The following CCDC33 variants were observed in gnomAD, a reference collection of about 807,000 sequenced individuals.
The protein encoded by CCDC33 is coiled-coil domain containing 33.
Under a neutral mutation model 91.9 loss-of-function variants are expected in CCDC33, and 94 were observed. The ratio of observed to expected loss-of-function variants is 1.02; its 90% CI spans 0.87 to 1.21. The LOEUF (loss-of-function observed/expected upper bound fraction) is 1.21. CCDC33 is among the 50% of genes most tolerant of loss of function. The probability of loss-of-function intolerance (pLI) is 0.00; values close to 1 mark genes in which losing one functional copy is unlikely to be tolerated. For missense variants in CCDC33, 940 were observed against 935.5 expected (o/e 1.00, Z -0.06); for synonymous variants, 396 against 374.5 (o/e 1.06, Z -0.66).
chr15:74,249,330 C>CA (rs925422911), intron 2 of CCDC33, among the ~76,000 whole-genome samples: 59 of 151,134 alleles, frequency 3.9e-4, no homozygotes, highest in Admixed American at 3.7e-3. Context: ...ACTAAAAATA[C>CA]AAAAAAAATT....
chr15:74,261,641 C>T (rs572681719), intron 2 of CCDC33, among the ~76,000 whole-genome samples: 1 of 152,302 alleles, frequency 6.6e-6, no homozygotes, highest in South Asian at 2.1e-4. Flanking sequence ...TGGCCCTGGC[C>T]TAGTAACCTC....
Position 74,261,758 on chromosome 15 carries a change from C to G in CCDC33, c.186-682C>G. Among the ~76,000 whole-genome samples the G allele has an allele frequency of 1.3e-5, 2 of 152,196 alleles. 1 individual carries two copies. On this transcript the variant is annotated intron_variant, in intron 2 of 18. Coordinates refer to ENST00000398814, the MANE Select transcript of CCDC33 (RefSeq NM_025055.5). ...CAGAGGGCCCAAGCTTACCTCTCAC[C>G]TTATACAGCCTGGTCCTGAACAATC...
At chr15:74,318,775 G>A (rs1423622649) in intron 11 of CCDC33, 1 of 654,516 alleles carries the variant, frequency 1.5e-6, no homozygotes, top group South Asian at 1.8e-5. Flanking sequence ...CTCTTAAGTG[G>A]GAGGCAGGGT....
chr15:74,308,929 C>CT (rs944877976), intron 11 of CCDC33, among the ~76,000 whole-genome samples: 2 of 152,078 alleles, frequency 1.3e-5, no homozygotes, highest in African/African-American at 4.8e-5. Context: ...AGGGAGGGTC[C>CT]TGTGGAGGCC....
At chr15:74,320,134 G>T (rs1429721236) in intron 11 of CCDC33, among the ~76,000 whole-genome samples, 1 of 152,080 alleles carries the variant, frequency 6.6e-6, no homozygotes, top group Non-Finnish European at 1.5e-5. Flanking sequence ...GGGTGAGCAG[G>T]GCCCTGGTTC....
At chr15:74,290,280 C>T (rs532932941) in intron 10 of CCDC33, among the ~76,000 whole-genome samples, 10 of 151,388 alleles carry the variant, frequency 6.6e-5, no homozygotes, top group Non-Finnish European at 1.0e-4. Context: ...TGGGTTCAAA[C>T]GATTCTCCTG....
At position 74,208,828 on chromosome 15, in the gene CCDC33, C is replaced by G. The variant is rs147740734; in HGVS notation, n.90-560C>G. The G allele has an allele frequency of 5.4e-3, 5,389 of 989,096 alleles. 27 individuals are homozygous for G. Among genetic ancestry groups the G allele is most frequent in the Non-Finnish European group, 6.1e-3 (5,068 of 832,380 alleles). The allele number at this position is 989,096 out of a possible 1,614,324, so 61.3% of individuals were successfully genotyped here. A position where few individuals can be genotyped will look rare whatever the true frequency, so the allele number is the denominator to read the frequency against. ...CAATCAAGCGCTCTCCTGACCTCTC[C>G]CTTCCTTGTCTCTTTCCTTTCCTTT... On this transcript the variant is annotated intron_variant and non_coding_transcript_variant, in intron 1 of 3. Transcript: ENST00000558645.
rs149922219 is a variant in CCDC33, at chr15:74,261,560, C to T, written c.186-880C>T. Among the ~76,000 whole-genome samples the T allele has an allele frequency of 5.9e-3, 904 of 152,282 alleles. 8 individuals are homozygous for T. The highest frequency in any genetic ancestry group is 0.021 in the African/African-American group (875 of 41,550). On this transcript the variant is annotated intron_variant, in intron 2 of 18. Transcript: ENST00000398814. ...CTCCGCAAGGTGTGTGGTGTGGCTC[C>T]CCCTGCTACAGGATCTCTGGGATGA...
intron 13 of CCDC33, 107 bp from the exon 14 acceptor site, chr15:74,330,874 G>T: frequency 6.6e-7 from 1 of 1,512,330 alleles, no homozygotes; most frequent in Admixed American, 1.9e-5. Context: ...AAGAAAGGGG[G>T]ACCAGCCTGG....
At chr15:74,273,980 C>T (rs1255208317) in intron 7 of CCDC33, among the ~76,000 whole-genome samples, 9 of 150,794 alleles carry the variant, frequency 6.0e-5, no homozygotes, top group East Asian at 2.0e-4. Flanking sequence ...TACTGGCACC[C>T]GCCACCATGC....
chr15:74,273,115 C>T (rs2076364970), intron 7 of CCDC33, among the ~76,000 whole-genome samples: 1 of 152,250 alleles, frequency 6.6e-6, no homozygotes, highest in Admixed American at 6.5e-5. Context: ...AGTTGAACAT[C>T]AACACAAGAT....
intron 1 of CCDC33, among the ~76,000 whole-genome samples, chr15:74,205,970 G>A (rs1441458168): frequency 6.6e-6 from 1 of 152,352 alleles, no homozygotes; most frequent in East Asian, 1.9e-4. Context: ...CATGGCAGTG[G>A]AGAACGCCTG....
In CCDC33 at chr15:74,256,392, C is replaced by T. The variant is rs60828442; in HGVS notation, c.186-6048C>T. Among the ~76,000 whole-genome samples, 77 of 150,410 alleles carry T rather than the reference C, an allele frequency of 5.1e-4. No individual in the cohort carries two copies. In the East Asian group the frequency reaches 0.015, roughly 28 times the overall value. ...TCGACTTTATGTCTGGCCCACGTTC[C>T]TCCTGCCCTAAGGCTGCGTACGGGA... is the stretch of plus-strand genomic sequence containing the variant. On this transcript the variant is annotated intron_variant, in intron 2 of 18. Coordinates refer to ENST00000398814, the MANE Select transcript of CCDC33 (RefSeq NM_025055.5).
intron 15 of CCDC33, 90 bp from the exon 16 acceptor site, chr15:74,332,589 C>T (rs2060462067): frequency 2.1e-6 from 3 of 1,414,058 alleles, no homozygotes; most frequent in Non-Finnish European, 2.9e-6. Flanking sequence ...GGAGGGGTGG[C>T]AGATTGAAGC....
intron 11 of CCDC33, among the ~76,000 whole-genome samples, chr15:74,296,395 C>T (rs1479899302): frequency 6.6e-6 from 1 of 152,060 alleles, no homozygotes; most frequent in Non-Finnish European, 1.5e-5. Flanking sequence ...GAGGCCAAGG[C>T]GGGCGGGTCA....
chr15:74,207,628 C>A (rs2074289191), intron 1 of CCDC33: 5 of 1,439,084 alleles, frequency 3.5e-6, no homozygotes, highest in East Asian at 5.0e-5. Context: ...ACACCCCCAA[C>A]TTCGATAGCA....
At position 74,207,640 on chromosome 15, in the gene CCDC33, G is replaced by A. The variant is rs1029157695; in HGVS notation, n.90-1748G>A. Reference sequence around the variant, plus strand: ...GGTACACCCCCAACTTCGATAGCACGGAAGAGAACACGCAAGAGAGGCGTT... The same window carrying A: ...GGTACACCCCCAACTTCGATAGCACAGAAGAGAACACGCAAGAGAGGCGTT... On this transcript the variant is annotated intron_variant and non_coding_transcript_variant, in intron 1 of 3. Coordinates refer to the CCDC33 transcript ENST00000558645. 4.5e-5 allele frequency: 66 copies of A among 1,470,410 alleles called. 2 individuals carry two copies. Among genetic ancestry groups the A allele is most frequent in the South Asian group, 6.0e-5 (5 of 82,688 alleles). The allele number at this position is 1,470,410 out of a possible 1,614,324, so 91.1% of individuals were successfully genotyped here.
intron 3 of CCDC33, among the ~76,000 whole-genome samples, chr15:74,263,966 G>A (rs1448975868): frequency 1.3e-5 from 2 of 151,862 alleles, no homozygotes; most frequent in Non-Finnish European, 2.9e-5. Flanking sequence ...GTGGACCTGA[G>A]CTGGGATCCT....
intron 11 of CCDC33, among the ~76,000 whole-genome samples, chr15:74,314,644 G>A (rs935909263): frequency 1.6e-4 from 24 of 152,138 alleles, no homozygotes; most frequent in Non-Finnish European, 2.5e-4. Flanking sequence ...GCATCATGAC[G>A]AGCCCTTTCC....
Sources: gnomAD v4.1 joint callset for allele counts (sites outside exome capture counted in the v4.1 genomes callset) on GRCh38, gnomAD v4.1.1 for gene constraint, MANE v1.5 for transcripts, NCBI Gene and HGNC (gene_info 2026-07-23, HGNC 2026-07-21) for gene names.